The following GPM6A variants were observed in gnomAD, a reference collection of about 807,000 sequenced individuals.
GPM6A encodes glycoprotein M6A.
GPM6A carries 7 observed loss-of-function variants against 32.1 expected under a neutral mutation model. That is an observed-to-expected ratio of 0.22 (90% CI 0.12 to 0.41). The LOEUF (loss-of-function observed/expected upper bound fraction) is 0.41, where lower values mean the gene tolerates loss of function less well. Ranked by LOEUF, GPM6A falls within the 10% of genes least tolerant of loss-of-function variation. The pLI, the probability that GPM6A is intolerant of heterozygous loss-of-function variation, is 1.00. For missense variants in GPM6A, 235 were observed against 347.2 expected, an observed-to-expected ratio of 0.68 and a Z score of 2.57; for synonymous variants, 130 against 123.4, an observed-to-expected ratio of 1.05 and a Z score of -0.35.
intron 1 of GPM6A, among the ~76,000 whole-genome samples, chr4:175,842,131 C>CT (rs1184759621): frequency 1.3e-5 from 2 of 151,928 alleles, no homozygotes; most frequent in Non-Finnish European, 2.9e-5. Context: ...AAAAAGATAG[C>CT]TTTTTTAATT....
chr4:175,800,497 T>C (rs1292100866), intron 1 of GPM6A, among the ~76,000 whole-genome samples: 1 of 152,130 alleles, frequency 6.6e-6, no homozygotes. Context: ...CGCATCAAAT[T>C]CTTTCCCAGC....
At chr4:175,991,659 G>C (rs1013778448) in intron 1 of GPM6A, among the ~76,000 whole-genome samples, 7 of 151,774 alleles carry the variant, frequency 4.6e-5, no homozygotes, top group Non-Finnish European at 8.8e-5. Context: ...TTCCATTTCA[G>C]CACTTTTCTT....
intron 1 of GPM6A, chr4:175,891,457 A>G (rs1301337852): frequency 6.6e-6 from 1 of 152,178 alleles, no homozygotes; most frequent in African/African-American, 2.4e-5. Context: ...GTCCTCCCAG[A>G]CTTACCTAAT....
chr4:175,751,118 T>C lies in GPM6A; in HGVS notation c.38-49351A>G, dbSNP rs183711004. The stretch of plus-strand genomic sequence containing the variant: ...ATAATCTTGTATACAATTTATATTC[T>C]AAATGTCTGAATACACTAACAAAAA... On this transcript the variant is annotated intron_variant, in intron 1 of 6. Transcript: ENST00000393658. Among the ~76,000 whole-genome samples, 286 of 152,284 alleles carry C rather than the reference T, an allele frequency of 1.9e-3. 1 individual carries two copies. Among genetic ancestry groups the C allele is most frequent in the African/African-American group, 6.6e-3 (274 of 41,578 alleles).
intron 1 of GPM6A, among the ~76,000 whole-genome samples, chr4:175,732,801 T>C (rs2111146187): frequency 6.6e-6 from 1 of 152,334 alleles, no homozygotes; most frequent in South Asian, 2.1e-4. Context: ...AGAAATATTA[T>C]GATATAATGC....
chr4:175,818,020 A>T (rs964162172), intron 1 of GPM6A, among the ~76,000 whole-genome samples: 1 of 152,184 alleles, frequency 6.6e-6, no homozygotes, highest in African/African-American at 2.4e-5. Context: ...TTTCTTACCA[A>T]GACCTTTCCT....
chr4:175,832,593 C>T lies in GPM6A; in HGVS notation c.-22-20344G>A, dbSNP rs76917893. Among the ~76,000 whole-genome samples, 25 of 152,274 alleles carry T rather than the reference C, an allele frequency of 1.6e-4. No individual in the cohort carries two copies. In the East Asian group the frequency reaches 4.8e-3, roughly 29 times the overall value. Reference sequence around the variant, plus strand: ...AAGGAATTAGTGATAGCTGGACCAACAGGAAGGAAGCATTAACTTGGGTAT... The same window carrying T: ...AAGGAATTAGTGATAGCTGGACCAATAGGAAGGAAGCATTAACTTGGGTAT... On this transcript the variant is annotated intron_variant, in intron 1 of 7. Transcript: ENST00000280187.
chr4:175,997,232 T>C (rs576126433), intron 1 of GPM6A, among the ~76,000 whole-genome samples: 2 of 152,216 alleles, frequency 1.3e-5, no homozygotes, highest in Non-Finnish European at 2.9e-5. Context: ...AAATAATAAA[T>C]TGTTGTTTTA....
At chr4:175,704,940 A>G (rs989086113) in intron 1 of GPM6A, among the ~76,000 whole-genome samples, 2 of 152,210 alleles carry the variant, frequency 1.3e-5, no homozygotes, top group Admixed American at 1.3e-4. Context: ...ATAAAGTGGT[A>G]AGCTCATGAC....
intron 1 of GPM6A, among the ~76,000 whole-genome samples, chr4:175,999,465 G>A (rs1741408966): frequency 6.6e-6 from 1 of 151,922 alleles, no homozygotes; most frequent in Non-Finnish European, 1.5e-5. Context: ...ACATCAATGA[G>A]GAAATCAAAC....
chr4:175,990,200 T>A (rs1741095924), intron 1 of GPM6A, among the ~76,000 whole-genome samples: 1 of 152,224 alleles, frequency 6.6e-6, no homozygotes, highest in Non-Finnish European at 1.5e-5. Flanking sequence ...TTCCTTCTTA[T>A]TATCCCACAT....
intron 1 of GPM6A, among the ~76,000 whole-genome samples, chr4:175,764,769 T>G (rs1732891811): frequency 1.3e-5 from 2 of 151,702 alleles, no homozygotes; most frequent in Non-Finnish European, 2.9e-5. Context: ...CAGACTGAAT[T>G]ATTTTATTTG....
chr4:175,840,802 G>C (rs1579558213), intron 1 of GPM6A, among the ~76,000 whole-genome samples: 2 of 152,290 alleles, frequency 1.3e-5, no homozygotes, highest in East Asian at 3.9e-4. Flanking sequence ...TCATAAGGCA[G>C]CAAAAGTTTT....
intron 1 of GPM6A, among the ~76,000 whole-genome samples, chr4:175,865,877 T>C (rs978676486): frequency 2.0e-5 from 3 of 152,170 alleles, no homozygotes; most frequent in African/African-American, 7.2e-5. Flanking sequence ...AAAAACAGTT[T>C]GTGTGGAACT....
chr4:175,698,208 T>C (rs1324465767), intron 2 of GPM6A, among the ~76,000 whole-genome samples: 7 of 152,198 alleles, frequency 4.6e-5, no homozygotes, highest in African/African-American at 1.7e-4. Flanking sequence ...TGGTTTTATC[T>C]TTTAGTTCAC....
At chr4:175,973,251 A>G (rs1458032363) in intron 1 of GPM6A, among the ~76,000 whole-genome samples, 1 of 152,224 alleles carries the variant, frequency 6.6e-6, no homozygotes, top group Non-Finnish European at 1.5e-5. Flanking sequence ...ACGTCAACAG[A>G]GTTTACACAA....
chr4:175,704,321 T>TCA (rs112980051), intron 1 of GPM6A, among the ~76,000 whole-genome samples: 6,613 of 150,210 alleles, frequency 0.044, 182 homozygotes, highest in Non-Finnish European at 0.064. Flanking sequence ...TCTCTTTCTC[T>TCA]CACACACACA....
intron 4 of GPM6A, among the ~76,000 whole-genome samples, chr4:175,650,165 C>A (rs904504127): frequency 6.6e-6 from 1 of 152,072 alleles, no homozygotes; most frequent in Non-Finnish European, 1.5e-5. Flanking sequence ...GCTTTTCCCC[C>A]CGTACACATG....
intron 1 of GPM6A, among the ~76,000 whole-genome samples, chr4:175,791,599 A>G (rs1420457643): frequency 1.3e-5 from 2 of 152,234 alleles, no homozygotes; most frequent in Non-Finnish European, 2.9e-5. Flanking sequence ...GACTGCAGTC[A>G]TCATCTTCAT....
Sources: allele counts gnomAD v4.1 joint callset (sites outside exome capture counted in the v4.1 genomes callset), GRCh38; gene constraint gnomAD v4.1.1; transcripts MANE v1.5; gene names NCBI Gene and HGNC (gene_info 2026-07-23, HGNC 2026-07-21).